Variants in SYT1 observed in about 807,000 individuals in gnomAD.
SYT1 encodes synaptotagmin-1.
A neutral mutation model predicts 44.8 loss-of-function variants in SYT1; 8 were observed. That is an observed-to-expected ratio of 0.18 (90% confidence interval 0.10 to 0.32). The LOEUF (loss-of-function observed/expected upper bound fraction) is 0.32. Among genes scored for constraint, SYT1 ranks in the 10% least tolerant of loss-of-function variants. SYT1 has a pLI of 1.00. For synonymous variants in SYT1, 154 were observed against 188.8 expected (o/e 0.82, Z 1.51); for missense variants, 286 against 509.3 (o/e 0.56, Z 4.22).
intron 2 of SYT1, among the ~76,000 whole-genome samples, chr12:78,998,503 G>A (rs1413015271): frequency 6.6e-6 from 1 of 152,066 alleles, no homozygotes; most frequent in Non-Finnish European, 1.5e-5. Context: ...CCTAGCATAG[G>A]GCCTGCACAT....
At chr12:79,139,571 C>T (rs551184058) in intron 3 of SYT1, among the ~76,000 whole-genome samples, 1 of 152,130 alleles carries the variant, frequency 6.6e-6, no homozygotes, top group Non-Finnish European at 1.5e-5. Context: ...AAATCCTCAT[C>T]ATGTGTAGGT....
intron 9 of SYT1, among the ~76,000 whole-genome samples, chr12:79,364,290 G>A (rs1042473156): frequency 7.0e-6 from 1 of 142,288 alleles, no homozygotes; most frequent in Non-Finnish European, 1.5e-5. Context: ...AGATAAAAGA[G>A]AGTGACACAG....
intron 9 of SYT1, among the ~76,000 whole-genome samples, chr12:79,398,707 C>T (rs1229649526): frequency 6.6e-6 from 1 of 152,070 alleles, no homozygotes; most frequent in African/African-American, 2.4e-5. Flanking sequence ...AAAACATTTG[C>T]AAATAGGATT....
At chr12:79,222,895 C>T (rs1367506208) in intron 4 of SYT1, among the ~76,000 whole-genome samples, 1 of 152,094 alleles carries the variant, frequency 6.6e-6, no homozygotes, top group Admixed American at 6.6e-5. Context: ...ATACCCTCTA[C>T]TGCATTTTTT....
intron 9 of SYT1, among the ~76,000 whole-genome samples, chr12:79,374,870 G>T (rs1883929476): frequency 6.6e-6 from 1 of 152,182 alleles, no homozygotes; most frequent in South Asian, 2.1e-4. Flanking sequence ...TTAAAATACT[G>T]TGTGATTTAG....
At position 79,217,510 on chromosome 12, in the gene SYT1, TG is replaced by T; in HGVS notation, c.-9del. On this transcript the variant is annotated 5_prime_UTR_variant, in exon 4 of 11. Coordinates refer to ENST00000261205, the MANE Select transcript of SYT1 (RefSeq NM_005639.3). ...GCTTCCCTCCCCTCACAGCTTCACC[TG>T]AACCTAAAATGGTGAGCGAGAGTCA... is the stretch of plus-strand genomic sequence containing the variant. 6.3e-7 allele frequency: 1 copy of T among 1,580,028 alleles called. No homozygotes were observed.
chr12:78,921,195 C>G (rs866828318), intron 1 of SYT1, among the ~76,000 whole-genome samples: 1 of 151,880 alleles, frequency 6.6e-6, no homozygotes, highest in Non-Finnish European at 1.5e-5. Context: ...CTATAATGAA[C>G]AGAAGTTAGC....
chr12:78,929,581 T>C (rs12227523), intron 1 of SYT1, among the ~76,000 whole-genome samples: 14,635 of 151,866 alleles, frequency 0.096, 1,078 homozygotes, highest in East Asian at 0.31. Context: ...TAGGAAAAGA[T>C]AGAGATTTTC....
intron 2 of SYT1, among the ~76,000 whole-genome samples, chr12:78,988,125 A>T (rs1869778107): frequency 6.6e-6 from 1 of 151,998 alleles, no homozygotes; most frequent in South Asian, 2.1e-4. Context: ...CACTCACTGA[A>T]CAAATTTTTT....
intron 4 of SYT1, among the ~76,000 whole-genome samples, chr12:79,258,590 T>C (rs2138720649): frequency 6.6e-6 from 1 of 152,336 alleles, no homozygotes; most frequent in East Asian, 1.9e-4. Context: ...AAGATTTCTC[T>C]GTGATGTATG....
intron 2 of SYT1, among the ~76,000 whole-genome samples, chr12:78,986,728 G>A (rs550054648): frequency 9.9e-5 from 15 of 151,954 alleles, no homozygotes; most frequent in African/African-American, 3.4e-4. Flanking sequence ...TATGTATGTT[G>A]AAATTTAGTT....
intron 1 of SYT1, among the ~76,000 whole-genome samples, chr12:78,936,385 A>G (rs1353095649): frequency 6.6e-6 from 1 of 152,122 alleles, no homozygotes; most frequent in Non-Finnish European, 1.5e-5. Context: ...TGTGCTTCCT[A>G]CTATATAATT....
chr12:79,016,126 G>A (rs574157111), intron 2 of SYT1, among the ~76,000 whole-genome samples: 8 of 152,186 alleles, frequency 5.3e-5, no homozygotes, highest in African/African-American at 1.7e-4. Flanking sequence ...GTAATGAATC[G>A]CAAAGAGAAA....
At chr12:79,307,627 T>TGG (rs1323331848) in intron 8 of SYT1, among the ~76,000 whole-genome samples, 1,379 of 8,122 alleles carry the variant, frequency 0.17, 29 homozygotes, top group African/African-American at 0.31. Context: ...GGGGTGGGGG[T>TGG]GGGGGGGCGT....
chr12:78,942,590 T>C (rs1878436126), intron 1 of SYT1, among the ~76,000 whole-genome samples: 3 of 152,232 alleles, frequency 2.0e-5, no homozygotes, highest in African/African-American at 7.2e-5. Context: ...TGAAAGCATT[T>C]ACTTTCTTGC....
chr12:79,100,566 A>G (rs1878390480), intron 3 of SYT1, among the ~76,000 whole-genome samples: 1 of 152,132 alleles, frequency 6.6e-6, no homozygotes, highest in Non-Finnish European at 1.5e-5. Context: ...CATAGAAAAA[A>G]AAGACTAAAA....
intron 1 of SYT1, among the ~76,000 whole-genome samples, chr12:78,948,956 T>TTATATTATATTATATTATAC: frequency 8.3e-5 from 1 of 12,046 alleles, no homozygotes; most frequent in East Asian, 1.8e-3. Context: ...TCAAGGCCTA[T>TTATATTATATTATATTATAC]TATATTATAT....
chr12:79,038,797 A>T (rs1378547616), intron 2 of SYT1, among the ~76,000 whole-genome samples: 2 of 152,008 alleles, frequency 1.3e-5, no homozygotes, highest in East Asian at 3.9e-4. Flanking sequence ...AAGGATTCAC[A>T]GTGCCCTCTT....
intron 3 of SYT1, among the ~76,000 whole-genome samples, chr12:79,121,461 A>G (rs956156168): frequency 6.6e-6 from 1 of 151,798 alleles, no homozygotes; most frequent in African/African-American, 2.4e-5. Flanking sequence ...ATAGATCTCA[A>G]AAGAAAGGCA....
Sources: gnomAD v4.1 joint callset for allele counts (sites outside exome capture counted in the v4.1 genomes callset) on GRCh38, gnomAD v4.1.1 for gene constraint, MANE v1.5 for transcripts, NCBI Gene and HGNC (gene_info 2026-07-23, HGNC 2026-07-21) for gene names.